The following LRP1B variants were observed in gnomAD, a reference collection of about 807,000 sequenced individuals.
LRP1B encodes the protein low-density lipoprotein receptor-related protein 1B.
In LRP1B, 217 loss-of-function variants were observed where a neutral mutation model predicts 556.6. That is an observed-to-expected ratio of 0.39 (90% CI 0.35 to 0.44). The LOEUF is 0.44. Among genes scored for constraint, LRP1B ranks in the 20% least tolerant of loss-of-function variants. The pLI is 1.00. For synonymous variants in LRP1B, 2,047 were observed against 1,865.8 expected (o/e 1.10, Z -2.50); for missense variants, 5,053 against 5,620.8 (o/e 0.90, Z 3.23).
intron 66 of LRP1B, among the ~76,000 whole-genome samples, chr2:140,388,127 G>C (rs1303760404): frequency 6.6e-6 from 1 of 152,040 alleles, no homozygotes; most frequent in East Asian, 1.9e-4. Flanking sequence ...AGTAGAGACA[G>C]GGTTTCGCCA....
In LRP1B at chr2:141,002,856, T is replaced by C. The variant is rs190907948; in HGVS notation, c.2503+2479A>G. 4.1e-4 allele frequency among the ~76,000 whole-genome samples: 63 copies of C among 152,080 alleles called. 1 individual carries two copies. Among genetic ancestry groups the C allele is most frequent in the African/African-American group, 1.5e-3 (62 of 41,526 alleles). The stretch of plus-strand genomic sequence containing the variant: ...AAAATTAACAAACTAAATATAAATG[T>C]CAAACATATTTTTATTAAAAAAGGA... On this transcript the variant is annotated intron_variant, in intron 15 of 90. Coordinates refer to ENST00000389484, the MANE Select transcript of LRP1B (RefSeq NM_018557.3).
intron 3 of LRP1B, among the ~76,000 whole-genome samples, chr2:141,454,335 G>C (rs932553665): frequency 6.6e-6 from 1 of 152,132 alleles, no homozygotes; most frequent in African/African-American, 2.4e-5. Flanking sequence ...ATTGCACAAA[G>C]TTTCCCTCCT....
At chr2:141,813,562 A>T (rs1434598719) in intron 1 of LRP1B, among the ~76,000 whole-genome samples, 1 of 149,434 alleles carries the variant, frequency 6.7e-6, no homozygotes, top group Non-Finnish European at 1.5e-5. Flanking sequence ...GAGATCAGAT[A>T]AAGGTTTTTT....
intron 1 of LRP1B, among the ~76,000 whole-genome samples, chr2:142,114,944 C>T (rs1707130364): frequency 6.6e-6 from 1 of 151,978 alleles, no homozygotes. Flanking sequence ...TGATAAAAAT[C>T]CCAATTACCC....
rs1559075471 is a variant in LRP1B, at chr2:142,109,408, C to A, written c.82+21240G>T. Among the ~76,000 whole-genome samples the A allele has an allele frequency of 3.3e-5, 5 of 152,136 alleles. No individual in the cohort carries two copies. The South Asian group carries it at 6.2e-4, about 19-fold the overall frequency. ...AATTGGTGGTTATGATGTTAACTCA[C>A]TTGAACACCCTAGAAATGTTTTAAT... is the stretch of plus-strand genomic sequence containing the variant. On this transcript the variant is annotated intron_variant, in intron 1 of 90. Coordinates refer to ENST00000389484, the MANE Select transcript of LRP1B (RefSeq NM_018557.3).
At chr2:141,544,700 T>C (rs908633778) in intron 2 of LRP1B, among the ~76,000 whole-genome samples, 3 of 151,906 alleles carry the variant, frequency 2.0e-5, no homozygotes, top group Admixed American at 6.6e-5. Context: ...GGGTCTCACG[T>C]TGTCACTGAG....
chr2:140,796,467 G>A (rs545747870), intron 32 of LRP1B, among the ~76,000 whole-genome samples: 5 of 152,154 alleles, frequency 3.3e-5, no homozygotes, highest in African/African-American at 7.2e-5. Context: ...ATTTCACATA[G>A]TACTTTTCAT....
intron 7 of LRP1B, among the ~76,000 whole-genome samples, chr2:141,157,505 G>C (rs554443011): frequency 1.3e-5 from 2 of 152,114 alleles, no homozygotes; most frequent in East Asian, 3.9e-4. Flanking sequence ...AGTCAGAAAT[G>C]AAACAATGGC....
chr2:141,441,267 G>A (rs1225285983), intron 3 of LRP1B, among the ~76,000 whole-genome samples: 1 of 151,920 alleles, frequency 6.6e-6, no homozygotes, highest in Non-Finnish European at 1.5e-5. Flanking sequence ...TAGTGGAGAG[G>A]GGTTTTCACC....
At chr2:140,563,576 A>C (rs2105084504) in intron 43 of LRP1B, among the ~76,000 whole-genome samples, 1 of 152,318 alleles carries the variant, frequency 6.6e-6, no homozygotes. Context: ...CTATTGATTT[A>C]CACCTACAGA....
At chr2:141,903,234 A>T (rs1298633616) in intron 1 of LRP1B, among the ~76,000 whole-genome samples, 1 of 151,806 alleles carries the variant, frequency 6.6e-6, no homozygotes. Context: ...AAACATCCCT[A>T]TCTGTATAGT....
chr2:141,970,795 G>C (rs1701707515), intron 1 of LRP1B, among the ~76,000 whole-genome samples: 2 of 151,418 alleles, frequency 1.3e-5, no homozygotes, highest in Admixed American at 1.3e-4. Context: ...GATAAAGAAA[G>C]AAGAAAAAGT....
At chr2:140,670,583 A>G (rs1332183293) in intron 41 of LRP1B, among the ~76,000 whole-genome samples, 3 of 152,188 alleles carry the variant, frequency 2.0e-5, no homozygotes, top group African/African-American at 4.8e-5. Context: ...AGGATCCTGT[A>G]TATAGAAGAT....
At chr2:140,756,038 A>G (rs2104905434) in intron 35 of LRP1B, among the ~76,000 whole-genome samples, 1 of 152,138 alleles carries the variant, frequency 6.6e-6, no homozygotes, top group East Asian at 1.9e-4. Context: ...ACAAAAATCG[A>G]TTGCACTTCA....
intron 41 of LRP1B, among the ~76,000 whole-genome samples, chr2:140,685,189 C>A (rs924465716): frequency 2.6e-5 from 4 of 152,152 alleles, no homozygotes; most frequent in African/African-American, 9.7e-5. Flanking sequence ...AAAGCAAGTA[C>A]ACCTGTTCTT....
intron 41 of LRP1B, among the ~76,000 whole-genome samples, chr2:140,623,852 G>A (rs999347779): frequency 6.6e-6 from 1 of 151,182 alleles, no homozygotes; most frequent in Admixed American, 6.6e-5. Flanking sequence ...CTGGGAGGCG[G>A]AGGTTGCAGT....
intron 2 of LRP1B, among the ~76,000 whole-genome samples, chr2:141,575,970 A>T (rs1686726419): frequency 6.6e-6 from 1 of 152,128 alleles, no homozygotes; most frequent in African/African-American, 2.4e-5. Flanking sequence ...GAGAAATAGG[A>T]ATGCTTTTAC....
chr2:140,980,160 C>T (rs956047090), intron 18 of LRP1B, among the ~76,000 whole-genome samples: 3 of 151,960 alleles, frequency 2.0e-5, no homozygotes, highest in South Asian at 2.1e-4. Context: ...CTTTAATGAG[C>T]TCATACTTTA....
chr2:141,087,625 C>G (rs1448435356), intron 7 of LRP1B, among the ~76,000 whole-genome samples: 1 of 152,120 alleles, frequency 6.6e-6, no homozygotes, highest in East Asian at 1.9e-4. Flanking sequence ...ATCATTCATT[C>G]AAACAAACAA....
Sources: gnomAD v4.1 joint callset for allele counts (sites outside exome capture counted in the v4.1 genomes callset) on GRCh38, gnomAD v4.1.1 for gene constraint, MANE v1.5 for transcripts, NCBI Gene and HGNC (gene_info 2026-07-23, HGNC 2026-07-21) for gene names.